The following KCNQ3 variants were observed in gnomAD, a reference collection of about 807,000 sequenced individuals.
KCNQ3 encodes potassium voltage-gated channel subfamily Q member 3.
In KCNQ3, 30 loss-of-function variants were observed where a neutral mutation model predicts 92.5. That is an observed-to-expected ratio of 0.32 (90% CI 0.24 to 0.44). The LOEUF (loss-of-function observed/expected upper bound fraction) is 0.44, where lower values mean the gene tolerates loss of function less well. KCNQ3 is among the 20% of genes least tolerant of loss of function. The probability of loss-of-function intolerance (pLI) is 1.00; values close to 1 mark genes in which losing one functional copy is unlikely to be tolerated. For missense variants in KCNQ3, 913 were observed against 1,140.3 expected (o/e 0.80, Z 2.87); for synonymous variants, 450 against 468.8 (o/e 0.96, Z 0.52).
chr8:132,398,838 A>G (rs1474469104), intron 1 of KCNQ3, among the ~76,000 whole-genome samples: 1 of 152,182 alleles, frequency 6.6e-6, no homozygotes, highest in Admixed American at 6.5e-5. Context: ...CTTTCCCAGA[A>G]CCCCAGGTGA....
At chr8:132,362,795 C>T (rs1456012212) in intron 1 of KCNQ3, among the ~76,000 whole-genome samples, 1 of 152,142 alleles carries the variant, frequency 6.6e-6, no homozygotes, top group African/African-American at 2.4e-5. Context: ...GGAAGAGTCA[C>T]AGCTGGTAGG....
intron 1 of KCNQ3, among the ~76,000 whole-genome samples, chr8:132,453,630 C>G (rs1340499183): frequency 1.3e-5 from 2 of 152,132 alleles, no homozygotes; most frequent in Non-Finnish European, 2.9e-5. Flanking sequence ...CCCTCCAACT[C>G]TCTTCCTGTG....
intron 1 of KCNQ3, among the ~76,000 whole-genome samples, chr8:132,386,075 C>T (rs1234538355): frequency 1.3e-5 from 2 of 151,956 alleles, no homozygotes; most frequent in South Asian, 2.1e-4. Context: ...TCAGGGATTG[C>T]TTATGTGGTC....
At chr8:132,438,476 T>C (rs1343119213) in intron 1 of KCNQ3, among the ~76,000 whole-genome samples, 1 of 152,154 alleles carries the variant, frequency 6.6e-6, no homozygotes, top group Non-Finnish European at 1.5e-5. Context: ...CTGCCTGATT[T>C]CTCTGTGGTC....
chr8:132,307,574 G>A (rs975483019), intron 1 of KCNQ3, among the ~76,000 whole-genome samples: 5 of 152,136 alleles, frequency 3.3e-5, no homozygotes, highest in African/African-American at 1.2e-4. Context: ...ACTTCCCAGA[G>A]GACCATGAGA....
At chr8:132,264,444 T>A (rs1470635098) in intron 1 of KCNQ3, among the ~76,000 whole-genome samples, 3 of 152,212 alleles carry the variant, frequency 2.0e-5, no homozygotes, top group Admixed American at 2.0e-4. Context: ...TGGAGCTCAC[T>A]AAGGCTGTTG....
intron 1 of KCNQ3, among the ~76,000 whole-genome samples, chr8:132,347,958 CAGAGCGAG>C (rs1248447433): frequency 8.3e-6 from 1 of 121,146 alleles, no homozygotes. Context: ...GCCTGGGCGA[CAGAGCGAG>C]AGACTCCATC....
intron 8 of KCNQ3, among the ~76,000 whole-genome samples, chr8:132,168,188 C>T (rs562057379): frequency 7.6e-4 from 116 of 152,272 alleles, no homozygotes; most frequent in African/African-American, 2.8e-3. Flanking sequence ...CTGCTTTTAC[C>T]TTGGTCTAGG....
At chr8:132,443,374 T>C (rs1022037919) in intron 1 of KCNQ3, among the ~76,000 whole-genome samples, 5 of 130,678 alleles carry the variant, frequency 3.8e-5, no homozygotes, top group African/African-American at 1.4e-4. Context: ...GTACAGAAAA[T>C]TGCTTCTTTA....
intron 1 of KCNQ3, among the ~76,000 whole-genome samples, chr8:132,260,372 C>A (rs1450009938): frequency 1.3e-5 from 2 of 152,140 alleles, no homozygotes; most frequent in African/African-American, 4.8e-5. Flanking sequence ...ACGTGTCAAA[C>A]TTTGTTCTAT....
intron 1 of KCNQ3, among the ~76,000 whole-genome samples, chr8:132,331,200 A>G (rs1481446426): frequency 6.6e-6 from 1 of 152,192 alleles, no homozygotes; most frequent in Non-Finnish European, 1.5e-5. Context: ...CTCTCTCTGT[A>G]CACTGCAGAT....
intron 1 of KCNQ3, among the ~76,000 whole-genome samples, chr8:132,214,831 TTGGCACC>T (rs1178505248): frequency 6.6e-6 from 1 of 152,230 alleles, no homozygotes; most frequent in Non-Finnish European, 1.5e-5. Flanking sequence ...ACTGCTGTGT[TTGGCACC>T]TGGGGCATTG....
intron 1 of KCNQ3, among the ~76,000 whole-genome samples, chr8:132,244,469 T>C (rs1404421935): frequency 6.6e-6 from 1 of 151,976 alleles, no homozygotes; most frequent in Non-Finnish European, 1.5e-5. Flanking sequence ...TAGTAGATGA[T>C]AGAGAGGTGT....
chr8:132,431,059 C>T (rs1033099132), intron 1 of KCNQ3, among the ~76,000 whole-genome samples: 1 of 152,174 alleles, frequency 6.6e-6, no homozygotes, highest in African/African-American at 2.4e-5. Flanking sequence ...AGCAGCTCCT[C>T]ATCTTCCATC....
chr8:132,353,734 A>G (rs1818940231), intron 1 of KCNQ3, among the ~76,000 whole-genome samples: 1 of 152,106 alleles, frequency 6.6e-6, no homozygotes, highest in Admixed American at 6.5e-5. Flanking sequence ...GAATCGCTTG[A>G]GCCTGGGAGG....
At chr8:132,456,101 T>C (rs1387160943) in intron 1 of KCNQ3, among the ~76,000 whole-genome samples, 1 of 152,090 alleles carries the variant, frequency 6.6e-6, no homozygotes, top group Non-Finnish European at 1.5e-5. Context: ...CCCAGAGAAG[T>C]GAAGTCCCTT....
At position 132,184,239 on chromosome 8, in the gene KCNQ3, A is replaced by G; in HGVS notation, c.604+2T>C. On this transcript the variant is annotated splice_donor_variant, in intron 3 of 14. Transcript: ENST00000388996. LOFTEE classifies it high-confidence loss of function. ...GCTGGGAGGCTCAGGGTCAGGACTTACCCAACATGCACAGGGGCTTCCTGG... is the reference window on the plus strand; with the variant it reads ...GCTGGGAGGCTCAGGGTCAGGACTTGCCCAACATGCACAGGGGCTTCCTGG... The G allele has an allele frequency of 6.2e-7, 1 of 1,614,140 alleles. No individual in the cohort carries two copies. The highest frequency in any genetic ancestry group is 8.5e-7 in the Non-Finnish European group (1 of 1,180,016).
intron 1 of KCNQ3, among the ~76,000 whole-genome samples, chr8:132,288,201 T>C (rs925078203): frequency 1.6e-4 from 25 of 152,250 alleles, no homozygotes; most frequent in Non-Finnish European, 1.3e-4. Flanking sequence ...GATATGTTTA[T>C]GGTTTTTAAT....
intron 3 of KCNQ3, among the ~76,000 whole-genome samples, chr8:132,181,436 G>A (rs1250984668): frequency 6.6e-6 from 1 of 152,046 alleles, no homozygotes; most frequent in Non-Finnish European, 1.5e-5. Flanking sequence ...CATATTCATG[G>A]GGTTTGCAGG....
Sources: gnomAD v4.1 joint callset for allele counts (sites outside exome capture counted in the v4.1 genomes callset) on GRCh38, gnomAD v4.1.1 for gene constraint, MANE v1.5 for transcripts, NCBI Gene and HGNC (gene_info 2026-07-23, HGNC 2026-07-21) for gene names.